Variants in CACNA2D1 observed in about 807,000 individuals in gnomAD.
The protein encoded by CACNA2D1 is voltage-dependent calcium channel subunit alpha-2/delta-1.
Under a neutral mutation model 171.5 loss-of-function variants are expected in CACNA2D1, and 53 were observed. The observed-to-expected ratio is 0.31, with a 90% CI of 0.25 to 0.39. The LOEUF is 0.39. Among genes scored for constraint, CACNA2D1 ranks in the 10% least tolerant of loss-of-function variants. CACNA2D1 has a pLI of 1.00. For missense variants in CACNA2D1, 903 were observed against 1,299.8 expected (o/e 0.69, Z 4.69); for synonymous variants, 442 against 443.1 (o/e 1.00, Z 0.03).
At chr7:82,158,470 C>G (rs1459238265) in intron 4 of CACNA2D1, among the ~76,000 whole-genome samples, 1 of 37,774 alleles carries the variant, frequency 2.6e-5, no homozygotes, top group Non-Finnish European at 5.2e-5. Context: ...AAATGGAAAC[C>G]AAGTTAAAAA....
At chr7:82,273,030 A>G (rs547711028) in intron 3 of CACNA2D1, among the ~76,000 whole-genome samples, 2 of 152,300 alleles carry the variant, frequency 1.3e-5, no homozygotes, top group South Asian at 4.1e-4. Flanking sequence ...TAATACTACT[A>G]ACTAATAAAC....
intron 3 of CACNA2D1, among the ~76,000 whole-genome samples, chr7:82,253,090 AG>A (rs1293639704): frequency 6.6e-6 from 1 of 152,200 alleles, no homozygotes; most frequent in Non-Finnish European, 1.5e-5. Flanking sequence ...GGGAAATGGA[AG>A]TGTGAGTGGA....
chr7:82,230,406 T>C (rs767447481), intron 3 of CACNA2D1, among the ~76,000 whole-genome samples: 3 of 152,242 alleles, frequency 2.0e-5, no homozygotes, highest in African/African-American at 4.8e-5. Flanking sequence ...TTGGGTTGTT[T>C]CTAGTTTGGA....
chr7:82,388,097 CA>C (rs1339415778), intron 1 of CACNA2D1, among the ~76,000 whole-genome samples: 2 of 146,954 alleles, frequency 1.4e-5, no homozygotes, highest in Admixed American at 6.8e-5. Context: ...AAACAAACAA[CA>C]AAAAAAACAA....
intron 6 of CACNA2D1, among the ~76,000 whole-genome samples, chr7:82,111,464 T>TGAGACAGGGTCTCACTCTG (rs1788454733): frequency 8.0e-6 from 1 of 124,918 alleles, no homozygotes; most frequent in African/African-American, 3.4e-5. Context: ...TTTTTTTTTT[T>TGAGACAGGGTCTCACTCTG]TGAGACAGGG....
chr7:82,084,136 T>A, intron 7 of CACNA2D1, among the ~76,000 whole-genome samples: 1 of 152,176 alleles, frequency 6.6e-6, no homozygotes, highest in East Asian at 1.9e-4. Context: ...AATTTTTCAT[T>A]TTGTTATAGA....
At chr7:82,093,147 G>A (rs1266003484) in intron 6 of CACNA2D1, among the ~76,000 whole-genome samples, 5 of 152,092 alleles carry the variant, frequency 3.3e-5, no homozygotes, top group African/African-American at 9.7e-5. Context: ...CAGACTGCAC[G>A]TCTTTCTGTC....
In CACNA2D1 at chr7:82,271,120, T is replaced by C. The variant is rs183968996; in HGVS notation, c.294+64015A>G. 2.6e-5 allele frequency among the ~76,000 whole-genome samples: 4 copies of C among 152,250 alleles called. No individual in the cohort carries two copies. The East Asian group carries it at 7.7e-4, about 29-fold the overall frequency. The stretch of plus-strand genomic sequence containing the variant: ...ATGTCAATTGTCACCTAAATGAAAG[T>C]ACATATCCACTACCATCCTCTCTCT... On this transcript the variant is annotated intron_variant, in intron 3 of 38. Coordinates refer to ENST00000356860, the MANE Select transcript of CACNA2D1 (RefSeq NM_000722.4).
intron 3 of CACNA2D1, among the ~76,000 whole-genome samples, chr7:82,224,013 C>T (rs1802071773): frequency 6.6e-6 from 1 of 152,106 alleles, no homozygotes; most frequent in Non-Finnish European, 1.5e-5. Context: ...ATCTAAAGAT[C>T]CCTTGCCTGG....
intron 2 of CACNA2D1, among the ~76,000 whole-genome samples, chr7:82,347,576 C>G (rs1025805360): frequency 5.9e-5 from 9 of 152,160 alleles, no homozygotes; most frequent in Non-Finnish European, 1.2e-4. Context: ...AAAGTTCACT[C>G]TAAACTCTGA....
chr7:82,266,177 G>T (rs924268654), intron 3 of CACNA2D1, among the ~76,000 whole-genome samples: 2 of 152,098 alleles, frequency 1.3e-5, no homozygotes, highest in Non-Finnish European at 2.9e-5. Flanking sequence ...AAGAGAAACT[G>T]TCTGGCTTTT....
At chr7:82,193,948 A>G (rs1301122041) in intron 3 of CACNA2D1, among the ~76,000 whole-genome samples, 1 of 152,008 alleles carries the variant, frequency 6.6e-6, no homozygotes, top group African/African-American at 2.4e-5. Flanking sequence ...TAAAAGCATC[A>G]TATCTGTATA....
intron 4 of CACNA2D1, among the ~76,000 whole-genome samples, chr7:82,152,268 A>T (rs371662365): frequency 4.6e-5 from 1 of 21,662 alleles, no homozygotes; most frequent in African/African-American, 1.8e-4. Context: ...CTGCCCCCCC[A>T]CCCCCCAAAA....
chr7:82,392,376 C>G (rs1825220208), intron 1 of CACNA2D1, among the ~76,000 whole-genome samples: 1 of 152,204 alleles, frequency 6.6e-6, no homozygotes, highest in African/African-American at 2.4e-5. Flanking sequence ...TGTTCTGTTG[C>G]TCAGTAAAAT....
chr7:82,161,353 T>C (rs1230785473), intron 4 of CACNA2D1, among the ~76,000 whole-genome samples: 2 of 152,078 alleles, frequency 1.3e-5, no homozygotes, highest in African/African-American at 4.8e-5. Context: ...ACCTCATTAT[T>C]AGAATTCTAT....
chr7:82,441,511 CTT>C (rs1830500917), intron 1 of CACNA2D1, among the ~76,000 whole-genome samples: 1 of 152,076 alleles, frequency 6.6e-6, no homozygotes, highest in African/African-American at 2.4e-5. Context: ...TATATATACT[CTT>C]TCTTGTGTCT....
At chr7:81,964,657 G>A (rs1306026405) in intron 32 of CACNA2D1, among the ~76,000 whole-genome samples, 2 of 151,812 alleles carry the variant, frequency 1.3e-5, no homozygotes, top group African/African-American at 2.4e-5. Context: ...AACAGGGCCG[G>A]GGAATGGAGA....
chr7:82,232,821 G>A (rs982132764), intron 3 of CACNA2D1, among the ~76,000 whole-genome samples: 3 of 123,292 alleles, frequency 2.4e-5, no homozygotes, highest in Non-Finnish European at 4.8e-5. Context: ...CTGAGACCGC[G>A]CCATTGCACT....
rs199899950 is a variant in CACNA2D1 at position 82,409,366 on chromosome 7, A to AT, written c.95+33998dup. 1.7e-3 allele frequency among the ~76,000 whole-genome samples: 255 copies of AT among 152,256 alleles called. 7 individuals carry two copies. In the East Asian group the frequency reaches 0.044, roughly 26 times the overall value. ...TGAATGCACCTTACAGAGTTCCCCA[A>AT]TTTTTTAAAGGTCTATTTCTTCTGG... On this transcript the variant is annotated intron_variant, in intron 1 of 38. Transcript: ENST00000356860.
Sources: gnomAD v4.1 joint callset for allele counts (sites outside exome capture counted in the v4.1 genomes callset) on GRCh38, gnomAD v4.1.1 for gene constraint, MANE v1.5 for transcripts, NCBI Gene and HGNC (gene_info 2026-07-23, HGNC 2026-07-21) for gene names.